Variants in TIMM22 observed in about 807,000 individuals in gnomAD.
TIMM22 encodes the protein mitochondrial import inner membrane translocase subunit Tim22.
A neutral mutation model predicts 18.3 loss-of-function variants in TIMM22; 12 were observed. That is an observed-to-expected ratio of 0.65 (90% CI 0.42 to 1.06). TIMM22 has a LOEUF of 1.06. Ranked by LOEUF, TIMM22 falls within the 50% of genes least tolerant of loss-of-function variation. The pLI, the probability that TIMM22 is intolerant of heterozygous loss-of-function variation, is 0.00. For missense variants in TIMM22, 278 were observed against 252.8 expected (o/e 1.10, Z -0.68); for synonymous variants, 107 against 98.5 (o/e 1.09, Z -0.51).
At chr17:997,405 G>C in intron 1 of TIMM22, 25 bp downstream of exon 1, 5 of 1,603,580 alleles carry the variant, frequency 3.1e-6, no homozygotes, top group Non-Finnish European at 4.3e-6. Flanking sequence ...TGGGACCCTT[G>C]GGAGGCTGAG....
In TIMM22 at chr17:999,201, A is replaced by C. The variant is rs538345741; in HGVS notation, c.435+226A>C. On this transcript the variant is annotated intron_variant, in intron 2 of 3. Transcript: ENST00000327158. ...TTTTACTTTTTGTAGGCTAGAAGTT[A>C]GCTAATGATTTTAAACGAGACTTAT... 5.3e-5 allele frequency among the ~76,000 whole-genome samples: 8 copies of C among 152,036 alleles called. No homozygotes were observed. In the South Asian group the frequency reaches 1.7e-3, roughly 32 times the overall value.
At chr17:1,000,279 C>T (rs2069730828) in intron 3 of TIMM22, among the ~76,000 whole-genome samples, 1 of 151,006 alleles carries the variant, frequency 6.6e-6, no homozygotes, top group Non-Finnish European at 1.5e-5. Context: ...CTGATTTCTA[C>T]CCATTGAATG....
chr17:1,001,626 A>ACAGTT lies in TIMM22; in HGVS notation c.*541_*545dup, dbSNP rs2069748881. 1 of 153,122 alleles carries ACAGTT rather than the reference A, an allele frequency of 6.5e-6. No homozygotes were observed. The highest frequency in any genetic ancestry group is 2.4e-5 in the African/African-American group (1 of 41,316). The allele number at this position is 153,122 out of a possible 1,614,324, so 9.5% of individuals were successfully genotyped here. On this transcript the variant is annotated 3_prime_UTR_variant, in exon 4 of 4. Coordinates refer to ENST00000327158, the MANE Select transcript of TIMM22 (RefSeq NM_013337.4). ...CCCCTCCCCCACCGCCACACACCTT[A>ACAGTT]CAGTTCAAAAGGTTGGTTTATTTGT... is the stretch of plus-strand genomic sequence containing the variant.
intron 3 of TIMM22, 49 bp from the exon 4 acceptor site, chr17:1,000,963 G>T: frequency 1.2e-6 from 2 of 1,608,994 alleles, no homozygotes; most frequent in South Asian, 2.2e-5. Context: ...AGTGCCTCGT[G>T]ACCCAGCAGC....
chr17:997,162 A>C lies in TIMM22; in HGVS notation c.20A>C (p.Asn7Thr). 1 of 1,609,648 alleles carries C rather than the reference A, an allele frequency of 6.2e-7. No individual in the cohort carries two copies. Among genetic ancestry groups the C allele is most frequent in the Non-Finnish European group, 8.5e-7 (1 of 1,178,996 alleles). Residue 7 changes from asparagine to threonine, a missense_variant, in exon 1 of 4, where the codon AAT becomes ACT. Physicochemically the swap from Asn to Thr is moderately conservative, Grantham distance 65 (BLOSUM62 0). Coordinates refer to ENST00000327158, the MANE Select transcript of TIMM22 (RefSeq NM_013337.4). ...ACTGTCATGGCGGCGGCCGCCCCCA[A>C]TGCCGGAGGCTCGGCCCCTGAGACA... MAAAAP[N>T]AGGSAPETAG... is the part of the protein sequence containing the mutation.
intron 2 of TIMM22, among the ~76,000 whole-genome samples, chr17:999,280 C>T (rs866863326): frequency 3.4e-5 from 5 of 147,762 alleles, no homozygotes; most frequent in Middle Eastern, 3.6e-3. Context: ...GGCTTGGTTT[C>T]AGCACTCTGG....
chr17:997,811 C>CA (rs77395019), intron 1 of TIMM22, among the ~76,000 whole-genome samples: 7,557 of 152,258 alleles, frequency 0.05, 275 homozygotes, highest in East Asian at 0.21. Context: ...GACTCCGTCT[C>CA]AAAAACAACA....
At chr17:998,014 GATGCAGACATATGGAAATGCAC>G (rs1272667149) in intron 1 of TIMM22, among the ~76,000 whole-genome samples, 10 of 152,204 alleles carry the variant, frequency 6.6e-5, no homozygotes, top group African/African-American at 2.4e-4. Context: ...GCAGAGGAAG[GATGCAGACATATGGAAATGCAC>G]ATGCAGACGA....
Position 1,001,031 on chromosome 17 carries a change from C to T in TIMM22, c.528C>T (p.Ala176=), listed in dbSNP as rs1477832660. 1 of 1,614,028 alleles carries T rather than the reference C, an allele frequency of 6.2e-7. No homozygotes were observed. Among genetic ancestry groups the T allele is most frequent in the South Asian group, 1.1e-5 (1 of 91,070 alleles). Residue 176 remains alanine (A), a synonymous_variant, in exon 4 of 4, where the codon GCC becomes GCT. Coordinates refer to ENST00000327158, the MANE Select transcript of TIMM22 (RefSeq NM_013337.4). ...TGACAGCTGGCTTAAAGGCTGGGGC[C>T]ATTGGTTGTGGAGGTTTTGCTGCTT... is the stretch of plus-strand genomic sequence containing the variant. ...IGFRAGLKAG[A]IGCGGFAAFS... is the part of the protein sequence containing the mutation.
chr17:999,226 T>C (rs763813467), intron 2 of TIMM22, among the ~76,000 whole-genome samples: 1 of 151,450 alleles, frequency 6.6e-6, no homozygotes, highest in Non-Finnish European at 1.5e-5. Context: ...ACGAGACTTA[T>C]TGGAGAGCCC....
intron 1 of TIMM22, 108 bp downstream of exon 1, chr17:997,488 C>T (rs952253762): frequency 2.6e-5 from 28 of 1,058,072 alleles, no homozygotes; most frequent in Non-Finnish European, 3.5e-5. Flanking sequence ...GGGCCTTGAC[C>T]TTGACCACAC....
At chr17:1,000,665 C>A (rs1047422926) in intron 3 of TIMM22, among the ~76,000 whole-genome samples, 2 of 152,230 alleles carry the variant, frequency 1.3e-5, no homozygotes, top group African/African-American at 4.8e-5. Context: ...CTGCTTTGAT[C>A]ACCTTCCCAG....
At chr17:998,093 G>A (rs1411252378) in intron 1 of TIMM22, among the ~76,000 whole-genome samples, 7 of 152,348 alleles carry the variant, frequency 4.6e-5, no homozygotes, top group African/African-American at 1.7e-4. Context: ...AAAGACCATT[G>A]TGACTAGACA....
Position 997,214 on chromosome 17 carries a change from G to C in TIMM22, c.72G>C (p.Gln24His). The C allele has an allele frequency of 6.2e-7, 1 of 1,613,034 alleles. No homozygotes were observed. The highest frequency in any genetic ancestry group is 8.5e-7 in the Non-Finnish European group (1 of 1,179,910). Residue 24 changes from glutamine (Q) to histidine (H), a missense_variant, in exon 1 of 4, where the codon CAG (glutamine) becomes CAC (histidine). Physicochemically the swap from Gln to His is conservative, Grantham distance 24. Coordinates refer to ENST00000327158, the MANE Select transcript of TIMM22 (RefSeq NM_013337.4). Reference sequence around the variant, plus strand: ...CGGGTTCCGCCGAAGCTCCGCTGCAGTACAGCCTGCTCCTGCAGTACCTGG... The same window carrying C: ...CGGGTTCCGCCGAAGCTCCGCTGCACTACAGCCTGCTCCTGCAGTACCTGG... ...ETAGSAEAPL[Q>H]YSLLLQYLVG...
At chr17:999,107 G>A in intron 2 of TIMM22, 132 bp downstream of exon 2, 1 of 931,036 alleles carries the variant, frequency 1.1e-6, no homozygotes, top group Non-Finnish European at 1.6e-6. Flanking sequence ...ATACATTCTA[G>A]GTTGAACTTC....
chr17:997,349 C>T lies in TIMM22; in HGVS notation c.207C>T (p.Cys69=). ...QKMIEKAMES[C]AFKAALACVG... is the part of the protein sequence containing the mutation. ...TGATCGAGAAGGCGATGGAAAGCTG[C>T]GCTTTCAAGGCTGCGCTGGCCTGCG... is the stretch of plus-strand genomic sequence containing the variant. Residue 69 remains cysteine, a synonymous_variant, in exon 1 of 4, where the codon TGC becomes TGT. Transcript: ENST00000327158. 3.1e-6 allele frequency: 5 copies of T among 1,613,508 alleles called. No homozygotes were observed. In the Middle Eastern group the frequency reaches 6.6e-4, roughly 213 times the overall value.
In TIMM22 at chr17:997,256, G is replaced by T. The variant is rs1242945186; in HGVS notation, c.114G>T (p.Gln38His). ...LLQYLVGDKR[Q>H]PRLLEPGSLG... ...AGTACCTGGTGGGTGACAAGCGTCAGCCCCGGCTCCTGGAGCCTGGGAGCC... is the reference window on the plus strand; with the variant it reads ...AGTACCTGGTGGGTGACAAGCGTCATCCCCGGCTCCTGGAGCCTGGGAGCC... The change falls in exon 1 of 4, where the codon CAG becomes CAT. Residue 38 changes from glutamine to histidine, a missense_variant. Gln to His is a conservative substitution (Grantham distance 24, BLOSUM62 0). Transcript: ENST00000327158. The T allele has an allele frequency of 6.2e-7, 1 of 1,613,604 alleles. No individual in the cohort carries two copies. The highest frequency in any genetic ancestry group is 1.7e-5 in the Admixed American group (1 of 60,032).
chr17:999,925 A>T (rs911233674), intron 3 of TIMM22, among the ~76,000 whole-genome samples: 1 of 151,404 alleles, frequency 6.6e-6, no homozygotes, highest in Non-Finnish European at 1.5e-5. Context: ...AAAGAGACCG[A>T]ATCTCACTCT....
chr17:998,272 G>A (rs933531794), intron 1 of TIMM22, among the ~76,000 whole-genome samples: 8 of 152,194 alleles, frequency 5.3e-5, no homozygotes, highest in Non-Finnish European at 1.0e-4. Flanking sequence ...GCAGCAGTGT[G>A]GGATTTGCCA....
Sources: gnomAD v4.1 joint callset for allele counts (sites outside exome capture counted in the v4.1 genomes callset) on GRCh38, gnomAD v4.1.1 for gene constraint, MANE v1.5 for transcripts, NCBI Gene and HGNC (gene_info 2026-07-23, HGNC 2026-07-21) for gene names.